The following KIF13B variants were observed in gnomAD, a reference collection of about 807,000 sequenced individuals.
The protein encoded by KIF13B is kinesin-like protein KIF13B.
A neutral mutation model predicts 222.0 loss-of-function variants in KIF13B; 127 were observed. The observed-to-expected ratio is 0.57, with a 90% CI of 0.50 to 0.66. KIF13B has a LOEUF of 0.66. Among genes scored for constraint, KIF13B ranks in the 30% least tolerant of loss-of-function variants. The probability of loss-of-function intolerance (pLI) is 0.00; values close to 1 mark genes in which losing one functional copy is unlikely to be tolerated. For missense variants in KIF13B, 2,173 were observed against 2,379.0 expected, an observed-to-expected ratio of 0.91 and a Z score of 1.80; for synonymous variants, 976 against 919.0, an observed-to-expected ratio of 1.06 and a Z score of -1.12.
intron 22 of KIF13B, 33 bp from the exon 23 acceptor site, chr8:29,132,498 ACT>A: frequency 7.3e-7 from 1 of 1,368,386 alleles, no homozygotes; most frequent in Non-Finnish European, 9.6e-7. Context: ...AGAAGAGCAA[ACT>A]CTTTCTGGTA....
intron 6 of KIF13B, among the ~76,000 whole-genome samples, chr8:29,184,280 T>C (rs1563768186): frequency 6.6e-6 from 1 of 151,918 alleles, no homozygotes; most frequent in Non-Finnish European, 1.5e-5. Context: ...TGAGATCACC[T>C]TTAGAGATTT....
intron 36 of KIF13B, among the ~76,000 whole-genome samples, chr8:29,095,570 C>G (rs1013921353): frequency 6.6e-6 from 1 of 152,090 alleles, no homozygotes; most frequent in Non-Finnish European, 1.5e-5. Context: ...AGTTCGAGAC[C>G]AGCCTGACCA....
chr8:29,203,322 C>A (rs919984809), intron 2 of KIF13B, among the ~76,000 whole-genome samples: 6 of 152,188 alleles, frequency 3.9e-5, no homozygotes, highest in African/African-American at 1.2e-4. Context: ...ATGACTATTT[C>A]TGTCTTGGAC....
chr8:29,140,644 T>C, intron 19 of KIF13B, 27 bp from the exon 20 acceptor site: 1 of 1,594,102 alleles, frequency 6.3e-7, no homozygotes, highest in African/African-American at 1.3e-5. Context: ...AACACACAAC[T>C]TCAGAAAAAC....
At chr8:29,150,489 C>A in intron 14 of KIF13B, 106 bp from the exon 15 acceptor site, 1 of 597,336 alleles carries the variant, frequency 1.7e-6, no homozygotes, top group East Asian at 2.9e-5. Context: ...ACAATAATTC[C>A]CCCAAACACA....
intron 14 of KIF13B, among the ~76,000 whole-genome samples, chr8:29,153,532 G>A (rs1049097252): frequency 2.0e-5 from 3 of 152,086 alleles, no homozygotes; most frequent in Non-Finnish European, 4.4e-5. Flanking sequence ...GCACAGCATG[G>A]TAACACTGAT....
chr8:29,088,232 C>G (rs535904699), intron 37 of KIF13B, among the ~76,000 whole-genome samples: 1 of 152,044 alleles, frequency 6.6e-6, no homozygotes, highest in Admixed American at 6.5e-5. Flanking sequence ...CACCACTGTA[C>G]TCCAGCCTGG....
chr8:29,223,466 T>A (rs6992816), intron 2 of KIF13B, among the ~76,000 whole-genome samples: 21,398 of 152,172 alleles, frequency 0.14, 1,584 homozygotes, highest in Non-Finnish European at 0.16. Context: ...CCTGTAAGAT[T>A]ACTAAAAGTA....
intron 1 of KIF13B, chr8:29,250,189 CAGA>C: frequency 2.1e-6 from 1 of 471,504 alleles, no homozygotes; most frequent in South Asian, 1.7e-5. Context: ...TTCGTCTGCA[CAGA>C]AGAACTCTAA....
At position 29,070,555 on chromosome 8, in the gene KIF13B, C is replaced by T. The variant is rs780585778; in HGVS notation, c.5430G>A (p.Lys1810=). 6 of 1,608,550 alleles carry T rather than the reference C, an allele frequency of 3.7e-6. No homozygotes were observed. The Admixed American group carries it at 5.0e-5, about 14-fold the overall frequency. The change falls in exon 40 of 40, where the codon AAG becomes AAA. Residue 1810 remains lysine, a synonymous_variant. Transcript: ENST00000524189. This position sits in a 1 kb window ranked among gnomAD's most constrained non-coding sequence, Gnocchi z 4.1. ...NLASLTAALA[K]ADRSHKNPEN... ...CAGGGTTCTTGTGGCTCCTGTCGGC[C>T]TTGGCCAGGGCAGCTGTCAGCGAGG...
intron 6 of KIF13B, 147 bp from the exon 7 acceptor site, chr8:29,182,153 C>A: frequency 1.8e-6 from 1 of 560,254 alleles, no homozygotes; most frequent in Non-Finnish European, 3.1e-6. Context: ...GAATTTAAAC[C>A]AAACTTTAAA....
intron 11 of KIF13B, 136 bp from the exon 12 acceptor site, chr8:29,165,908 A>AC: frequency 5.8e-6 from 4 of 683,830 alleles, no homozygotes; most frequent in South Asian, 1.9e-5. Flanking sequence ...ATCTACTTCG[A>AC]TTGTAGATCG....
intron 38 of KIF13B, 61 bp downstream of exon 38, chr8:29,075,220 C>A: frequency 7.2e-7 from 1 of 1,383,598 alleles, no homozygotes; most frequent in Non-Finnish European, 1.0e-6. Context: ...TCAACAGTTT[C>A]GGCATCAGGG....
chr8:29,229,217 T>C lies in KIF13B; in HGVS notation c.149+16129A>G, dbSNP rs116274465. 7.8e-3 allele frequency among the ~76,000 whole-genome samples: 1,194 copies of C among 152,198 alleles called. 6 individuals carry two copies. The highest frequency in any genetic ancestry group is 0.013 in the African/African-American group (535 of 41,562). On this transcript the variant is annotated intron_variant, in intron 2 of 39. Transcript: ENST00000524189. ...GTCTTTAGTTCTGATCTAATCTGAA[T>C]TAACCAGTTACATTTTTCCAAATGT...
intron 36 of KIF13B, 110 bp from the exon 37 acceptor site, chr8:29,092,988 G>A: frequency 1.0e-6 from 1 of 991,174 alleles, no homozygotes; most frequent in Non-Finnish European, 1.4e-6. Context: ...AAAACCAAAG[G>A]TATCCTTAAA....
At chr8:29,073,356 T>C (rs1037611266) in intron 38 of KIF13B, among the ~76,000 whole-genome samples, 1 of 152,118 alleles carries the variant, frequency 6.6e-6, no homozygotes, top group Non-Finnish European at 1.5e-5. Context: ...TCACTCTGTC[T>C]GAGTCACCCA....
chr8:29,133,006 T>C (rs1810410982), intron 22 of KIF13B, among the ~76,000 whole-genome samples: 1 of 152,224 alleles, frequency 6.6e-6, no homozygotes, highest in Admixed American at 6.5e-5. Flanking sequence ...TAAAACAGTT[T>C]ATTAAAGAAA....
At chr8:29,107,153 A>G (rs10112345) in intron 35 of KIF13B, among the ~76,000 whole-genome samples, 69,382 of 152,128 alleles carry the variant, frequency 0.46, 17,303 homozygotes, top group Non-Finnish European at 0.57. Context: ...CTTTCTTCTC[A>G]CAAATAATGT....
At position 29,103,973 on chromosome 8, in the gene KIF13B, G is replaced by A. The variant is rs188024394; in HGVS notation, c.4215+4166C>T. The stretch of plus-strand genomic sequence containing the variant: ...ACAGGCACACAATGAGCCCTGCAGC[G>A]TTGCACCTGAAATGGTCTCCCCCCA... On this transcript the variant is annotated intron_variant, in intron 35 of 39. Transcript: ENST00000524189. Among the ~76,000 whole-genome samples, 5 of 152,238 alleles carry A rather than the reference G, an allele frequency of 3.3e-5. No homozygotes were observed. In the East Asian group the frequency reaches 5.8e-4, roughly 18 times the overall value.
Sources: allele counts gnomAD v4.1 joint callset (sites outside exome capture counted in the v4.1 genomes callset), GRCh38; gene constraint gnomAD v4.1.1; non-coding constraint Gnocchi (gnomAD v3.1); transcripts MANE v1.5; gene names NCBI Gene and HGNC (gene_info 2026-07-23, HGNC 2026-07-21).